The following ACOT1 variants were observed in gnomAD, a reference collection of about 807,000 sequenced individuals.
ACOT1 encodes acyl-CoA thioesterase 1, also known as acyl-coenzyme A thioesterase 1.
Under a neutral mutation model 15.7 loss-of-function variants are expected in ACOT1, and 8 were observed. The observed-to-expected ratio is 0.51, with a 90% CI of 0.30 to 0.92. ACOT1 has a LOEUF of 0.92. ACOT1 is among the 40% of genes least tolerant of loss of function. ACOT1 has a pLI of 0.06. For missense variants in ACOT1, 151 were observed against 539.4 expected (o/e 0.28, Z 7.13); for synonymous variants, 67 against 241.2 (o/e 0.28, Z 6.69).
Position 73,541,497 on chromosome 14 carries a change from T to C in ACOT1, c.462T>C (p.Pro154=). 8.0e-7 allele frequency: 1 copy of C among 1,245,018 alleles called. No homozygotes were observed. Among genetic ancestry groups the C allele is most frequent in the Non-Finnish European group, 1.1e-6 (1 of 936,496 alleles). The allele number at this position is 1,245,018 out of a possible 1,614,324, so 77.1% of individuals were successfully genotyped here. Reference sequence around the variant, plus strand: ...TTTGTTTTGTTTCTTCCCAAGAACCTGGGCCCTTTCCTGGCATTGTGGACA... The same window carrying C: ...TTTGTTTTGTTTCTTCCCAAGAACCCGGGCCCTTTCCTGGCATTGTGGACA... The part of the protein sequence containing the change: ...VRGTLFLPPE[P]GPFPGIVDMF... The change falls in exon 2 of 3, where the codon CCT becomes CCC. Residue 154 remains proline, a synonymous_variant. Transcript: ENST00000311148.
the ACOT1 span, chr14:73,492,809 T>C: frequency 3.7e-6 from 6 of 1,613,932 alleles, no homozygotes; most frequent in Non-Finnish European, 5.1e-6. This position sits in a 1 kb window ranked among gnomAD's most constrained non-coding sequence, Gnocchi z 4.9. Flanking sequence ...CATGGAACTG[T>C]TGCTTGGTTC....
chr14:73,511,367 G>A, the ACOT1 span, among the ~76,000 whole-genome samples: 1 of 151,180 alleles, frequency 6.6e-6, no homozygotes, highest in Non-Finnish European at 1.5e-5. Flanking sequence ...ACAAAAAAAT[G>A]AGCTGGGCAT....
chr14:73,525,460 C>G, the ACOT1 span, among the ~76,000 whole-genome samples: 4 of 152,304 alleles, frequency 2.6e-5, no homozygotes, highest in Admixed American at 6.5e-5. Flanking sequence ...ATTGCTTCAT[C>G]TCTTCACAAC....
the ACOT1 span, among the ~76,000 whole-genome samples, chr14:73,506,807 T>TTTTTTTTTTTTTTTTTTG: frequency 9.8e-6 from 1 of 102,220 alleles, no homozygotes; most frequent in African/African-American, 4.9e-5. Context: ...TTTAACTGTT[T>TTTTTTTTTTTTTTTTTTG]TTTTTTTTTT....
chr14:73,526,552 G>A, the ACOT1 span, among the ~76,000 whole-genome samples: 4 of 151,940 alleles, frequency 2.6e-5, no homozygotes, highest in African/African-American at 9.7e-5. Flanking sequence ...AGAGGGAAGA[G>A]TACTCAAGTT....
At chr14:73,522,467 G>A in the ACOT1 span, 12 of 1,614,212 alleles carry the variant, frequency 7.4e-6, no homozygotes, top group Non-Finnish European at 9.3e-6. Context: ...CTTGTTGGGG[G>A]ATGCCCCAGG....
the ACOT1 span, among the ~76,000 whole-genome samples, chr14:73,528,240 C>A: frequency 6.6e-6 from 1 of 151,592 alleles, no homozygotes; most frequent in Non-Finnish European, 1.5e-5. Context: ...ACTAAAAATA[C>A]AAAAAATTAG....
chr14:73,516,992 C>T, the ACOT1 span, among the ~76,000 whole-genome samples: 6 of 152,172 alleles, frequency 3.9e-5, no homozygotes, highest in Non-Finnish European at 5.9e-5. Flanking sequence ...AGTAATGACT[C>T]TTGGCAGGGT....
At chr14:73,509,102 G>A in the ACOT1 span, among the ~76,000 whole-genome samples, 2 of 152,108 alleles carry the variant, frequency 1.3e-5, no homozygotes, top group Non-Finnish European at 2.9e-5. Context: ...CCTATGCTCA[G>A]GTGATCCTGT....
In ACOT1 at chr14:73,542,430, A is replaced by G. The variant is rs1889119134; in HGVS notation, c.661-620A>G. ...TTTTTTTTTTTTTTTTTTAAGACGG[A>G]GTCTTGCCGTGTCAACGAGGCTGGA... On this transcript the variant is annotated intron_variant, in intron 2 of 2. Transcript: ENST00000311148. Among the ~76,000 whole-genome samples, 3 of 81,576 alleles carry G rather than the reference A, an allele frequency of 3.7e-5. 1 individual carries two copies. The highest frequency in any genetic ancestry group is 1.9e-3 in the East Asian group (2 of 1,042). The allele number at this position is 81,576 out of a possible 152,430, so 53.5% of individuals were successfully genotyped here.
At position 73,539,282 on chromosome 14, in the gene ACOT1, A is replaced by C. The variant is rs1474039924; in HGVS notation, c.457+1404A>C. 2.8e-4 allele frequency: 32 copies of C among 114,976 alleles called. No homozygotes were observed. In the Admixed American group the frequency reaches 3.1e-3, roughly 11 times the overall value. The allele number at this position is 114,976 out of a possible 1,614,324, so 7.1% of individuals were successfully genotyped here. A position where few individuals can be genotyped will look rare whatever the true frequency, so the allele number is the denominator to read the frequency against. On this transcript the variant is annotated intron_variant, in intron 1 of 2. Transcript: ENST00000311148. ...CTCCGTCCTGTTACCATTCCAGGAG[A>C]GCAGCCACCTCCCTGTGCATGGCAG...
chr14:73,515,213 A>G, the ACOT1 span, among the ~76,000 whole-genome samples: 2 of 152,200 alleles, frequency 1.3e-5, no homozygotes, highest in Admixed American at 1.3e-4. Flanking sequence ...TTCCAGATGT[A>G]CTAAATTCAT....
rs60785123 is a variant in ACOT1, at chr14:73,540,500, A to C, written c.458-993A>C. Among the ~76,000 whole-genome samples the C allele has an allele frequency of 5.3e-3, 574 of 108,224 alleles. 127 individuals carry two copies. The highest frequency in any genetic ancestry group is 0.015 in the Middle Eastern group (3 of 200). 71.0% of individuals were successfully genotyped at this position (108,224 alleles called of 152,430 possible). On this transcript the variant is annotated intron_variant, in intron 1 of 2. Transcript: ENST00000311148. ...CCACTGTTGAGTGAAACAGTCAAAC[A>C]CTAGGAGAACACATTCAGTATCATT...
chr14:73,513,208 C>A, the ACOT1 span, among the ~76,000 whole-genome samples: 1 of 152,182 alleles, frequency 6.6e-6, no homozygotes, highest in Admixed American at 6.5e-5. Context: ...CTTGTAATCC[C>A]AGCACTTTGG....
the ACOT1 span, among the ~76,000 whole-genome samples, chr14:73,513,086 T>A: frequency 5.9e-5 from 9 of 152,234 alleles, no homozygotes; most frequent in Non-Finnish European, 1.2e-4. Context: ...TAGTCAACTA[T>A]GACATGGACA....
At chr14:73,516,147 C>CA in the ACOT1 span, among the ~76,000 whole-genome samples, 421 of 9,134 alleles carry the variant, frequency 0.046, 86 homozygotes, top group African/African-American at 0.094. Flanking sequence ...CAACAGTCAT[C>CA]AAAAAAAAAA....
chr14:73,521,093 C>A, the ACOT1 span: 2 of 1,478,896 alleles, frequency 1.4e-6, no homozygotes, highest in Non-Finnish European at 1.9e-6. Context: ...AGGTGGATCC[C>A]CCTTTCCATT....
the ACOT1 span, chr14:73,530,040 T>C: frequency 1.4e-5 from 2 of 137,976 alleles, no homozygotes; most frequent in Non-Finnish European, 3.1e-5. Context: ...CATGGCTCAC[T>C]GCAGCCTTGC....
At chr14:73,539,323 G>A (rs1321221000) in intron 1 of ACOT1, 1 of 119,114 alleles carries the variant, frequency 8.4e-6, no homozygotes, top group African/African-American at 2.8e-5. Context: ...GGTACTGATT[G>A]TGGCCTCTCC....
Sources: gnomAD v4.1 joint callset for allele counts (sites outside exome capture counted in the v4.1 genomes callset) on GRCh38, gnomAD v4.1.1 for gene constraint, Gnocchi (gnomAD v3.1) non-coding constraint, MANE v1.5 for transcripts, NCBI Gene and HGNC (gene_info 2026-07-23, HGNC 2026-07-21) for gene names.